Variants in NEDD8 observed in about 807,000 individuals in gnomAD.
NEDD8 encodes NEDD8 ubiquitin like modifier, also known as ubiquitin-like protein NEDD8.
In NEDD8, 1 loss-of-function variant was observed where a neutral mutation model predicts 13.8. That is an observed-to-expected ratio of 0.07 (90% confidence interval 0.03 to 0.34). The LOEUF is 0.34. NEDD8 is among the 10% of genes least tolerant of loss of function. The pLI is 0.99. For synonymous variants in NEDD8, 31 were observed against 33.2 expected (o/e 0.93, Z 0.23); for missense variants, 10 against 95.2 (o/e 0.10, Z 3.73).
At chr14:24,217,443 C>G (rs1044216854) in intron 3 of NEDD8, among the ~76,000 whole-genome samples, 2 of 152,094 alleles carry the variant, frequency 1.3e-5, no homozygotes, top group African/African-American at 4.8e-5. Context: ...GCGCCCACCA[C>G]CACGCCCAGC....
intron 1 of NEDD8, among the ~76,000 whole-genome samples, chr14:24,221,885 C>T (rs562175859): frequency 8.5e-4 from 130 of 152,130 alleles, no homozygotes; most frequent in Non-Finnish European, 1.6e-3. Flanking sequence ...TGTGGGCCAC[C>T]GCACCCGACC....
chr14:24,226,621 T>C (rs113963904), intron 1 of NEDD8: 24 of 152,184 alleles, frequency 1.6e-4, no homozygotes, highest in African/African-American at 5.5e-4. Context: ...AGATATAGTG[T>C]TTTAATTTAT....
chr14:24,218,369 T>C lies in NEDD8; in HGVS notation c.66+15A>G, dbSNP rs776547749. The stretch of plus-strand genomic sequence containing the variant: ...ATGGCAAGAAGTACATGAAGAGGAG[T>C]TGGGCATGCATCACCTTGTCTGTAG... On this transcript the variant is annotated intron_variant, in intron 2 of 3. Coordinates refer to ENST00000250495, the MANE Select transcript of NEDD8 (RefSeq NM_006156.3). 1.2e-5 allele frequency: 20 copies of C among 1,613,772 alleles called. 1 individual carries two copies. In the South Asian group the frequency reaches 1.5e-4, roughly 12 times the overall value.
At chr14:24,220,491 T>C (rs1365807195) in intron 1 of NEDD8, among the ~76,000 whole-genome samples, 1 of 152,052 alleles carries the variant, frequency 6.6e-6, no homozygotes, top group Non-Finnish European at 1.5e-5. Flanking sequence ...CACTCAGCTA[T>C]TTTTAAGATT....
intron 1 of NEDD8, chr14:24,226,927 G>GATA: frequency 6.6e-6 from 1 of 152,246 alleles, no homozygotes; most frequent in Admixed American, 6.5e-5. Context: ...AGAAACTGGA[G>GATA]ATAACTCAAA....
intron 1 of NEDD8, among the ~76,000 whole-genome samples, chr14:24,230,301 G>C (rs1439203377): frequency 1.4e-5 from 2 of 146,282 alleles, no homozygotes; most frequent in South Asian, 4.3e-4. Context: ...TTGGGAGGCA[G>C]AGGCGGGCGG....
At chr14:24,223,830 G>A (rs954488976) in intron 1 of NEDD8, among the ~76,000 whole-genome samples, 11 of 151,960 alleles carry the variant, frequency 7.2e-5, no homozygotes, top group Non-Finnish European at 1.2e-4. Flanking sequence ...CGCCTCCCAG[G>A]CTCAAGCAAT....
chr14:24,228,068 C>T, intron 1 of NEDD8: 1 of 151,640 alleles, frequency 6.6e-6, no homozygotes, highest in Non-Finnish European at 1.5e-5. Flanking sequence ...TGCACTCCAG[C>T]CTGGGTGACA....
Position 24,217,887 on chromosome 14 carries a change from T to C in NEDD8, c.149+246A>G, listed in dbSNP as rs1428319739. The C allele has an allele frequency of 4.7e-6, 2 of 428,872 alleles. 1 individual carries two copies. The highest frequency in any genetic ancestry group is 8.3e-6 in the Non-Finnish European group (2 of 241,278). 26.6% of individuals were successfully genotyped at this position (428,872 alleles called of 1,614,324 possible). A position where few individuals can be genotyped will look rare whatever the true frequency, so the allele number is the denominator to read the frequency against. On this transcript the variant is annotated intron_variant, in intron 3 of 3. Coordinates refer to ENST00000250495, the MANE Select transcript of NEDD8 (RefSeq NM_006156.3). ...ATAAAAAAGTACATATATTACTATATCACAAATTTGTTTTAGTATTTTAAT... is the reference window on the plus strand; with the variant it reads ...ATAAAAAAGTACATATATTACTATACCACAAATTTGTTTTAGTATTTTAAT...
In NEDD8 at chr14:24,218,147, G is replaced by A; in HGVS notation, c.135C>T (p.Tyr45=). ...GIPPQQQRLI[Y]SGKQMNDEKT... ...TCCAAACTCACATCTGCTTGCCACTGTAGATGAGCCTCTGCTGTTGTGGGG... is the reference window on the plus strand; with the variant it reads ...TCCAAACTCACATCTGCTTGCCACTATAGATGAGCCTCTGCTGTTGTGGGG... The change falls in exon 3 of 4, where the codon TAC becomes TAT. Residue 45 remains tyrosine (Y), a synonymous_variant. Transcript: ENST00000250495. The A allele has an allele frequency of 6.2e-7, 1 of 1,614,060 alleles. No individual in the cohort carries two copies. Among genetic ancestry groups the A allele is most frequent in the Non-Finnish European group, 8.5e-7 (1 of 1,180,032 alleles).
At chr14:24,223,314 C>T (rs1395338036) in intron 1 of NEDD8, among the ~76,000 whole-genome samples, 1 of 151,724 alleles carries the variant, frequency 6.6e-6, no homozygotes, top group Non-Finnish European at 1.5e-5. Flanking sequence ...TGAGGCAAGA[C>T]TGCCCAAGCC....
chr14:24,224,925 G>A (rs539369380), intron 1 of NEDD8, among the ~76,000 whole-genome samples: 2 of 152,288 alleles, frequency 1.3e-5, no homozygotes, highest in East Asian at 3.9e-4. Context: ...TTGGGAGGCC[G>A]AGGTGGGCGG....
intron 1 of NEDD8, chr14:24,228,719 CAAAAAAAAAA>C (rs11305549): frequency 1.4e-5 from 1 of 69,800 alleles, no homozygotes; most frequent in Non-Finnish European, 2.6e-5. Flanking sequence ...GAACCTGTCT[CAAAAAAAAAA>C]AAAAAAAAAA....
At chr14:24,230,427 C>G (rs1285535120) in intron 1 of NEDD8, among the ~76,000 whole-genome samples, 2 of 140,450 alleles carry the variant, frequency 1.4e-5, no homozygotes, top group South Asian at 4.7e-4. Context: ...CCCAGCTACT[C>G]GGGAGGCTGA....
chr14:24,224,873 T>C (rs886167713), intron 1 of NEDD8, among the ~76,000 whole-genome samples: 3 of 152,134 alleles, frequency 2.0e-5, no homozygotes, highest in Non-Finnish European at 4.4e-5. Flanking sequence ...AAAGACAACA[T>C]GGGAGCCCGT....
intron 1 of NEDD8, among the ~76,000 whole-genome samples, chr14:24,226,021 AGAGT>A (rs1211663430): frequency 6.6e-6 from 1 of 151,474 alleles, no homozygotes; most frequent in African/African-American, 2.4e-5. Context: ...CCTGGGTGAC[AGAGT>A]GAGACTCCAT....
At chr14:24,220,430 T>C (rs2039787041) in intron 1 of NEDD8, among the ~76,000 whole-genome samples, 1 of 152,152 alleles carries the variant, frequency 6.6e-6, no homozygotes, top group African/African-American at 2.4e-5. Context: ...CAAACAACCC[T>C]CCCACCTCAG....
At chr14:24,221,897 C>T (rs1478256505) in intron 1 of NEDD8, among the ~76,000 whole-genome samples, 2 of 152,118 alleles carry the variant, frequency 1.3e-5, no homozygotes, top group Non-Finnish European at 2.9e-5. Context: ...CACCCGACCA[C>T]AAATTTTTAA....
intron 1 of NEDD8, among the ~76,000 whole-genome samples, chr14:24,225,332 T>C (rs980254476): frequency 1.3e-5 from 2 of 152,124 alleles, no homozygotes; most frequent in African/African-American, 4.8e-5. Flanking sequence ...TGGATCTTAA[T>C]TGGATCCAGA....
Sources: allele counts gnomAD v4.1 joint callset (sites outside exome capture counted in the v4.1 genomes callset), GRCh38; gene constraint gnomAD v4.1.1; transcripts MANE v1.5; gene names NCBI Gene and HGNC (gene_info 2026-07-23, HGNC 2026-07-21).